The following THADA variants were observed in gnomAD, a reference collection of about 807,000 sequenced individuals.
THADA encodes the protein tRNA (32-2'-O)-methyltransferase regulator THADA.
THADA carries 213 observed loss-of-function variants against 219.8 expected under a neutral mutation model. That is an observed-to-expected ratio of 0.97 (90% CI 0.87 to 1.09). THADA has a LOEUF of 1.09. Ranked by LOEUF, THADA falls within the 50% of genes least tolerant of loss-of-function variation. THADA has a pLI of 0.00. For synonymous variants in THADA, 1,018 were observed against 828.9 expected (o/e 1.23, Z -3.92); for missense variants, 2,956 against 2,311.3 (o/e 1.28, Z -5.72).
intron 30 of THADA, among the ~76,000 whole-genome samples, chr2:43,323,001 C>A (rs1678925506): frequency 6.6e-6 from 1 of 152,066 alleles, no homozygotes; most frequent in Non-Finnish European, 1.5e-5. Context: ...CTTTTATAAG[C>A]ATCTATCTGC....
intron 36 of THADA, 56 bp downstream of exon 36, chr2:43,279,709 G>A (rs1673116275): frequency 5.3e-6 from 8 of 1,510,088 alleles, no homozygotes; most frequent in Middle Eastern, 1.7e-4. Context: ...ATAGAAAAGT[G>A]TTCCAACCTC....
chr2:43,249,821 A>C (rs528390347), intron 36 of THADA, among the ~76,000 whole-genome samples: 3 of 152,050 alleles, frequency 2.0e-5, no homozygotes, highest in East Asian at 3.9e-4. Context: ...CTTTCTTCTG[A>C]TTACCAGCAT....
rs187645298 is a variant in THADA at position 43,566,305 on chromosome 2, C to T, written c.2311+393G>A. 4.2e-4 allele frequency: 227 copies of T among 539,798 alleles called. 1 individual carries two copies. The East Asian group carries it at 6.2e-3, about 15-fold the overall frequency. The allele number at this position is 539,798 out of a possible 1,614,324, so 33.4% of individuals were successfully genotyped here. The stretch of plus-strand genomic sequence containing the variant: ...AACAGACGGCATGTAAAGGAAACCA[C>T]ATTTTAACCACAGAGACTCACTGAG... On this transcript the variant is annotated intron_variant, in intron 15 of 37. Transcript: ENST00000405975.
chr2:43,552,199 C>G lies in THADA; in HGVS notation c.2810+5G>C. The G allele has an allele frequency of 6.2e-7, 1 of 1,604,330 alleles. No homozygotes were observed. Among genetic ancestry groups the G allele is most frequent in the Non-Finnish European group, 8.5e-7 (1 of 1,176,514 alleles). ...GAGACAGGAGGCAGCTGTGGAAATC[C>G]TTACTTTAGAGATAACTTCTGCAAA... On this transcript the variant is annotated splice_donor_5th_base_variant and intron_variant, in intron 18 of 37. Transcript: ENST00000405975.
At position 43,385,697 on chromosome 2, in the gene THADA, G is replaced by A. The variant is rs189436933; in HGVS notation, c.4227+12274C>T. Among the ~76,000 whole-genome samples, 698 of 149,484 alleles carry A rather than the reference G, an allele frequency of 4.7e-3. 8 individuals carry two copies. The highest frequency in any genetic ancestry group is 0.016 in the African/African-American group (671 of 40,864). ...TAAAATTTACATGTAAAACTCATCTGTCTAAAGATTTTTTTAAAGGCTTAA... is the reference window on the plus strand; with the variant it reads ...TAAAATTTACATGTAAAACTCATCTATCTAAAGATTTTTTTAAAGGCTTAA... On this transcript the variant is annotated intron_variant, in intron 29 of 37. Coordinates refer to ENST00000405975, the MANE Select transcript of THADA (RefSeq NM_022065.5).
intron 25 of THADA, among the ~76,000 whole-genome samples, chr2:43,492,697 T>G (rs561107523): frequency 6.6e-6 from 1 of 152,192 alleles, no homozygotes; most frequent in African/African-American, 2.4e-5. Context: ...CATGTGACCA[T>G]GAAAAGACAG....
intron 4 of THADA, 49 bp from the exon 5 acceptor site, chr2:43,587,051 A>G (rs1169336491): frequency 6.4e-7 from 1 of 1,555,402 alleles, no homozygotes; most frequent in African/African-American, 1.4e-5. Flanking sequence ...ATAGCCCCAG[A>G]ATATGTGGAG....
chr2:43,373,249 C>A (rs1214331318), intron 29 of THADA, among the ~76,000 whole-genome samples: 2 of 152,100 alleles, frequency 1.3e-5, no homozygotes, highest in Non-Finnish European at 2.9e-5. Context: ...ATATAACACA[C>A]AGTTTAAATC....
chr2:43,515,733 C>T (rs1205641276), intron 22 of THADA, among the ~76,000 whole-genome samples: 1 of 151,730 alleles, frequency 6.6e-6, no homozygotes, highest in Non-Finnish European at 1.5e-5. Flanking sequence ...AATTGTATAC[C>T]CCGTTAAAGT....
At chr2:43,514,593 GTATATTTTATA>G (rs1220628003) in intron 22 of THADA, among the ~76,000 whole-genome samples, 10 of 94,624 alleles carry the variant, frequency 1.1e-4, no homozygotes, top group African/African-American at 2.8e-4. Context: ...TTTTATATAT[GTATATTTTATA>G]TATATTTTAT....
chr2:43,438,884 C>A (rs1232852403), intron 26 of THADA, among the ~76,000 whole-genome samples: 3 of 152,124 alleles, frequency 2.0e-5, no homozygotes, highest in Non-Finnish European at 2.9e-5. Context: ...ACAATTATAA[C>A]AATATATTGT....
At chr2:43,539,304 C>G (rs1349832417) in intron 21 of THADA, among the ~76,000 whole-genome samples, 1 of 152,216 alleles carries the variant, frequency 6.6e-6, no homozygotes, top group African/African-American at 2.4e-5. Context: ...GTGGCCCAGC[C>G]ATTCCAATGT....
chr2:43,530,591 C>T (rs1387324358), intron 21 of THADA, among the ~76,000 whole-genome samples: 1 of 152,158 alleles, frequency 6.6e-6, no homozygotes, highest in Non-Finnish European at 1.5e-5. Context: ...GATGAGGTTT[C>T]TCTAACTTCC....
chr2:43,434,502 G>A (rs111700053), intron 26 of THADA, among the ~76,000 whole-genome samples: 27 of 152,238 alleles, frequency 1.8e-4, no homozygotes, highest in East Asian at 5.8e-4. Flanking sequence ...ACCCTAGCAC[G>A]CAGGCACACA....
intron 26 of THADA, among the ~76,000 whole-genome samples, chr2:43,441,448 T>C (rs1680829410): frequency 6.6e-6 from 1 of 152,206 alleles, no homozygotes; most frequent in Non-Finnish European, 1.5e-5. Flanking sequence ...ACATTAACAA[T>C]TCTTGTGTAT....
chr2:43,235,744 G>C (rs1667961070), intron 36 of THADA, among the ~76,000 whole-genome samples: 1 of 152,070 alleles, frequency 6.6e-6, no homozygotes, highest in Admixed American at 6.5e-5. Context: ...GACCAGAGAT[G>C]CCACCAAGGA....
intron 29 of THADA, among the ~76,000 whole-genome samples, chr2:43,350,415 G>A (rs1668118951): frequency 6.6e-6 from 1 of 152,216 alleles, no homozygotes; most frequent in African/African-American, 2.4e-5. Flanking sequence ...AGAGAGAAAG[G>A]TCTCTAACAA....
chr2:43,579,501 T>C (rs1229591638), intron 8 of THADA, among the ~76,000 whole-genome samples: 3 of 152,226 alleles, frequency 2.0e-5, no homozygotes, highest in Admixed American at 2.0e-4. Flanking sequence ...CACTTCTTTA[T>C]GACATCATAA....
chr2:43,424,405 C>T (rs1048693478), intron 28 of THADA, among the ~76,000 whole-genome samples: 2 of 152,088 alleles, frequency 1.3e-5, no homozygotes, highest in African/African-American at 4.8e-5. Context: ...CTGATGAAAA[C>T]CCTTCCAAGT....
Sources: gnomAD v4.1 joint callset for allele counts (sites outside exome capture counted in the v4.1 genomes callset) on GRCh38, gnomAD v4.1.1 for gene constraint, MANE v1.5 for transcripts, NCBI Gene and HGNC (gene_info 2026-07-23, HGNC 2026-07-21) for gene names.